The following KHDRBS2 variants were observed in gnomAD, a reference collection of about 807,000 sequenced individuals.
KHDRBS2 encodes KH RNA binding domain containing, signal transduction associated 2, also known as KH domain-containing, RNA-binding, signal transduction-associated protein 2.
KHDRBS2 carries 26 observed loss-of-function variants against 44.3 expected under a neutral mutation model. That is an observed-to-expected ratio of 0.59 (90% confidence interval 0.43 to 0.81). KHDRBS2 has a LOEUF of 0.81. Among genes scored for constraint, KHDRBS2 ranks in the 40% least tolerant of loss-of-function variants. The pLI is 0.00. For missense variants in KHDRBS2, 476 were observed against 433.1 expected, an observed-to-expected ratio of 1.10 and a Z score of -0.88; for synonymous variants, 194 against 151.1, an observed-to-expected ratio of 1.28 and a Z score of -2.08.
intron 3 of KHDRBS2, among the ~76,000 whole-genome samples, chr6:61,992,249 A>C (rs1318796061): frequency 2.0e-5 from 3 of 152,170 alleles, no homozygotes; most frequent in Non-Finnish European, 4.4e-5. Context: ...CAGACTTTTA[A>C]AATTTGACAC....
At chr6:61,947,531 G>A (rs1813615713) in intron 4 of KHDRBS2, among the ~76,000 whole-genome samples, 1 of 152,076 alleles carries the variant, frequency 6.6e-6, no homozygotes, top group Non-Finnish European at 1.5e-5. Context: ...AAGTGGAAGG[G>A]CTAAGGGGAA....
chr6:62,170,951 G>A (rs866463930), intron 2 of KHDRBS2, among the ~76,000 whole-genome samples: 82 of 67,204 alleles, frequency 1.2e-3, no homozygotes, highest in African/African-American at 3.6e-3. Flanking sequence ...GAAGATAAAC[G>A]CAAAAAAAAA....
chr6:61,983,281 T>G (rs1774364149), intron 3 of KHDRBS2, among the ~76,000 whole-genome samples: 1 of 143,932 alleles, frequency 6.9e-6, no homozygotes, highest in Non-Finnish European at 1.5e-5. Flanking sequence ...CTCACTATGT[T>G]GCCCAGGCTG....
At chr6:62,160,082 C>T (rs555800392) in intron 2 of KHDRBS2, among the ~76,000 whole-genome samples, 16 of 152,098 alleles carry the variant, frequency 1.1e-4, no homozygotes, top group East Asian at 1.9e-4. Flanking sequence ...GTGGGATACA[C>T]GAGTAATCAA....
rs546237642 is a variant in KHDRBS2, at chr6:62,154,020, C to T, written c.219+23165G>A. On this transcript the variant is annotated intron_variant, in intron 2 of 8. Transcript: ENST00000281156. ...GGTTTCTTTGTTTCACTAGTAGAAGCGTTTCTTTCTTTTATTATTGAGTTA... is the reference window on the plus strand; with the variant it reads ...GGTTTCTTTGTTTCACTAGTAGAAGTGTTTCTTTCTTTTATTATTGAGTTA... Among the ~76,000 whole-genome samples the T allele has an allele frequency of 8.6e-4, 131 of 152,204 alleles. No homozygotes were observed. In the Middle Eastern group the frequency reaches 0.014, roughly 16 times the overall value.
intron 2 of KHDRBS2, among the ~76,000 whole-genome samples, chr6:62,058,240 C>G (rs1357410747): frequency 6.6e-6 from 1 of 151,840 alleles, no homozygotes; most frequent in Non-Finnish European, 1.5e-5. Context: ...CTGGCATCAC[C>G]TGTGAAGAAT....
chr6:61,987,184 TG>T (rs1261771918), intron 3 of KHDRBS2, among the ~76,000 whole-genome samples: 5 of 152,166 alleles, frequency 3.3e-5, no homozygotes. Context: ...ACCTATAAAA[TG>T]TGGGTAGTTA....
chr6:61,837,034 G>A (rs1792799804), intron 6 of KHDRBS2, among the ~76,000 whole-genome samples: 1 of 151,932 alleles, frequency 6.6e-6, no homozygotes, highest in Admixed American at 6.6e-5. Context: ...CAGGGATCTA[G>A]GGGGTCATAA....
At chr6:61,796,285 G>A (rs866009305) in intron 6 of KHDRBS2, among the ~76,000 whole-genome samples, 1 of 151,946 alleles carries the variant, frequency 6.6e-6, no homozygotes, top group South Asian at 2.1e-4. Context: ...TTGGGAGTTG[G>A]CTTTCTTGGC....
chr6:62,268,608 G>C (rs1839583052), intron 1 of KHDRBS2, among the ~76,000 whole-genome samples: 2 of 151,944 alleles, frequency 1.3e-5, no homozygotes, highest in Admixed American at 1.3e-4. Context: ...TCTTGAAAAA[G>C]TGTAAAAACC....
chr6:62,131,807 G>A (rs947178973), intron 2 of KHDRBS2, among the ~76,000 whole-genome samples: 2 of 152,170 alleles, frequency 1.3e-5, no homozygotes, highest in African/African-American at 4.8e-5. Flanking sequence ...AAGTAAATGA[G>A]AAATACATGT....
intron 4 of KHDRBS2, among the ~76,000 whole-genome samples, chr6:61,950,706 T>A (rs1304307150): frequency 2.6e-5 from 4 of 152,186 alleles, no homozygotes; most frequent in South Asian, 2.1e-4. Context: ...TTAAGTGATA[T>A]TTTCCTGAAG....
intron 7 of KHDRBS2, among the ~76,000 whole-genome samples, chr6:61,718,753 A>G (rs1771854339): frequency 6.6e-6 from 1 of 151,878 alleles, no homozygotes; most frequent in Non-Finnish European, 1.5e-5. Context: ...GTTTCCCTTT[A>G]ATTTCTATTT....
At chr6:62,212,366 T>C (rs755537420) in intron 1 of KHDRBS2, among the ~76,000 whole-genome samples, 4 of 151,504 alleles carry the variant, frequency 2.6e-5, no homozygotes, top group Non-Finnish European at 5.9e-5. Flanking sequence ...AATAGAGAGA[T>C]ATAAGATTTA....
the KHDRBS2 span, among the ~76,000 whole-genome samples, chr6:61,549,319 C>T: frequency 6.6e-6 from 1 of 152,140 alleles, no homozygotes; most frequent in African/African-American, 2.4e-5. Flanking sequence ...CATTTGGTCT[C>T]AGGACTCCTT....
intron 2 of KHDRBS2, among the ~76,000 whole-genome samples, chr6:62,070,269 G>A (rs1473907477): frequency 2.7e-5 from 4 of 150,682 alleles, no homozygotes; most frequent in Admixed American, 2.6e-4. Context: ...TTCTTTTTCT[G>A]TCTTTGTCTG....
intron 1 of KHDRBS2, among the ~76,000 whole-genome samples, chr6:62,233,137 T>C (rs1833153360): frequency 6.6e-6 from 1 of 152,116 alleles, no homozygotes; most frequent in South Asian, 2.1e-4. Flanking sequence ...GAGGGTAGCT[T>C]CCTCAGAACT....
intron 4 of KHDRBS2, among the ~76,000 whole-genome samples, chr6:61,927,452 A>G (rs2127363895): frequency 6.6e-6 from 1 of 152,284 alleles, no homozygotes; most frequent in South Asian, 2.1e-4. Flanking sequence ...GGTACTGACA[A>G]ATTCAAAAAA....
At chr6:61,967,663 G>C (rs1174434553) in intron 4 of KHDRBS2, among the ~76,000 whole-genome samples, 1 of 151,820 alleles carries the variant, frequency 6.6e-6, no homozygotes, top group East Asian at 1.9e-4. Flanking sequence ...GAGGCTGAAA[G>C]TGAATAAGCA....
Sources: allele counts gnomAD v4.1 joint callset (sites outside exome capture counted in the v4.1 genomes callset), GRCh38; gene constraint gnomAD v4.1.1; transcripts MANE v1.5; gene names NCBI Gene and HGNC (gene_info 2026-07-23, HGNC 2026-07-21).